Variants in ITSN2 observed in about 807,000 individuals in gnomAD.
ITSN2 encodes the protein intersectin 2.
In ITSN2, 156 loss-of-function variants were observed where a neutral mutation model predicts 243.7. The ratio of observed to expected loss-of-function variants is 0.64; its 90% CI spans 0.56 to 0.73. ITSN2 has a LOEUF of 0.73. Ranked by LOEUF, ITSN2 falls within the 30% of genes least tolerant of loss-of-function variation. The pLI, the probability that ITSN2 is intolerant of heterozygous loss-of-function variation, is 0.00. For missense variants in ITSN2, 1,801 were observed against 1,996.1 expected, an observed-to-expected ratio of 0.90 and a Z score of 1.86; for synonymous variants, 703 against 699.9, an observed-to-expected ratio of 1.00 and a Z score of -0.07.
At chr2:24,245,453 G>C (rs568737969) in intron 29 of ITSN2, among the ~76,000 whole-genome samples, 2 of 152,042 alleles carry the variant, frequency 1.3e-5, no homozygotes, top group Non-Finnish European at 2.9e-5. Context: ...ATTTTGAATA[G>C]GTGAATAGGG....
intron 1 of ITSN2, among the ~76,000 whole-genome samples, chr2:24,344,546 C>G (rs1297028766): frequency 6.6e-6 from 1 of 152,150 alleles, no homozygotes; most frequent in Non-Finnish European, 1.5e-5. Flanking sequence ...TATATTTCTC[C>G]TATGAATTGC....
chr2:24,268,299 G>A (rs188617661), intron 20 of ITSN2, among the ~76,000 whole-genome samples: 6 of 152,222 alleles, frequency 3.9e-5, no homozygotes, highest in Admixed American at 3.3e-4. Context: ...CCGGGAATTT[G>A]GAAGTCCTGG....
chr2:24,254,494 G>T, intron 23 of ITSN2, 63 bp from the exon 24 acceptor site: 2 of 1,326,078 alleles, frequency 1.5e-6, no homozygotes, highest in South Asian at 1.2e-5. Context: ...TAAGAAAGGT[G>T]ATTTGATGCA....
At chr2:24,341,377 T>C (rs1687030881) in intron 1 of ITSN2, among the ~76,000 whole-genome samples, 1 of 151,944 alleles carries the variant, frequency 6.6e-6, no homozygotes, top group Admixed American at 6.5e-5. Context: ...AAATCATGTA[T>C]AAGAAAAAAG....
At position 24,209,206 on chromosome 2, in the gene ITSN2, C is replaced by T; in HGVS notation, c.4489G>A (p.Glu1497Lys). Residue 1497 changes from glutamate (E) to lysine (K), a missense_variant, in exon 36 of 40, where the codon GAA becomes AAA. Coordinates refer to ENST00000355123, the MANE Select transcript of ITSN2 (RefSeq NM_006277.3). ...TCTGTGGGCAGTTTCACCAAGACTT[C>T]ATTCAGGAAAATGGGCTGAAAGAAT... The part of the protein sequence containing the change: ...KMYKTPIFLN[E>K]VLVKLPTDPS... 6.2e-7 allele frequency: 1 copy of T among 1,614,090 alleles called. No homozygotes were observed. The highest frequency in any genetic ancestry group is 1.1e-5 in the South Asian group (1 of 91,074).
chr2:24,210,802 A>G lies in ITSN2; in HGVS notation c.4235T>C (p.Val1412Ala). Residue 1412 changes from valine (V) to alanine (A), a missense_variant, in exon 34 of 40, where the codon GTG becomes GCG. Physicochemically the swap from Val to Ala is moderately conservative, Grantham distance 64 (BLOSUM62 0). This residue lies in a region of ITSN2 where 928 missense variants were observed against 1,065.4 expected (regional missense o/e 0.87). Transcript: ENST00000355123. ...SDRLEWIQAH[V>A]QCEGLAEQLI... ...GACCTCCGCGAGGCCTTCACACTGCACGTGCGCCTGGATCCACTCCAGTCG... is the reference window on the plus strand; with the variant it reads ...GACCTCCGCGAGGCCTTCACACTGCGCGTGCGCCTGGATCCACTCCAGTCG... 6.2e-7 allele frequency: 1 copy of G among 1,613,980 alleles called. No individual in the cohort carries two copies. Among genetic ancestry groups the G allele is most frequent in the Non-Finnish European group, 8.5e-7 (1 of 1,179,962 alleles).
At chr2:24,301,492 C>T (rs1347543483) in intron 10 of ITSN2, among the ~76,000 whole-genome samples, 1 of 151,842 alleles carries the variant, frequency 6.6e-6, no homozygotes, top group African/African-American at 2.4e-5. Flanking sequence ...TCATTAGCCT[C>T]CTTATGTATA....
chr2:24,255,707 A>G (rs1674932999), intron 23 of ITSN2, among the ~76,000 whole-genome samples: 1 of 152,022 alleles, frequency 6.6e-6, no homozygotes, highest in African/African-American at 2.4e-5. Flanking sequence ...CAGGCAGATC[A>G]CCTGAGGTCA....
At chr2:24,327,080 A>G (rs1487507352) in intron 2 of ITSN2, among the ~76,000 whole-genome samples, 1 of 152,114 alleles carries the variant, frequency 6.6e-6, no homozygotes, top group East Asian at 1.9e-4. Context: ...ATTAGCTAAT[A>G]CAATTTAACA....
At chr2:24,266,683 C>A (rs1464082911) in intron 20 of ITSN2, among the ~76,000 whole-genome samples, 1 of 150,498 alleles carries the variant, frequency 6.6e-6, no homozygotes, top group Non-Finnish European at 1.5e-5. Context: ...AATCACAGCA[C>A]TTTGGGAAGC....
intron 16 of ITSN2, among the ~76,000 whole-genome samples, chr2:24,285,332 T>C (rs1175290311): frequency 6.6e-6 from 1 of 152,206 alleles, no homozygotes; most frequent in Non-Finnish European, 1.5e-5. Flanking sequence ...ATTAACATTG[T>C]TCACCTCAAA....
intron 17 of ITSN2, among the ~76,000 whole-genome samples, chr2:24,280,880 C>A (rs1252281074): frequency 6.6e-6 from 1 of 152,238 alleles, no homozygotes; most frequent in East Asian, 1.9e-4. Context: ...ACCTTTTTAA[C>A]TCTACTTAAT....
intron 20 of ITSN2, among the ~76,000 whole-genome samples, chr2:24,265,599 T>C (rs1676568911): frequency 6.6e-6 from 1 of 152,224 alleles, no homozygotes; most frequent in Admixed American, 6.5e-5. Context: ...TAAGCCACTT[T>C]AGACCCATTA....
intron 36 of ITSN2, 102 bp from the exon 37 acceptor site, chr2:24,208,421 A>G (rs764273882): frequency 8.8e-5 from 74 of 839,768 alleles, no homozygotes; most frequent in Non-Finnish European, 1.3e-4. Context: ...TGCTAACCTC[A>G]ACTTTCACAA....
At chr2:24,360,024 C>T (rs1245842699) in intron 1 of ITSN2, among the ~76,000 whole-genome samples, 4 of 152,082 alleles carry the variant, frequency 2.6e-5, no homozygotes, top group Non-Finnish European at 4.4e-5. Flanking sequence ...CGGCCAGGGA[C>T]CCGGGCTCGG....
At chr2:24,303,386 A>T (rs1194567512) in intron 9 of ITSN2, among the ~76,000 whole-genome samples, 1 of 152,232 alleles carries the variant, frequency 6.6e-6, no homozygotes, top group Non-Finnish European at 1.5e-5. Context: ...GTTTTTACCG[A>T]AAGTTTAAAT....
chr2:24,267,480 C>A (rs1310605817), intron 20 of ITSN2, among the ~76,000 whole-genome samples: 1 of 151,934 alleles, frequency 6.6e-6, no homozygotes, highest in Non-Finnish European at 1.5e-5. Context: ...TACATACACA[C>A]ACACACATTT....
chr2:24,286,561 C>G (rs1474720906), intron 15 of ITSN2, among the ~76,000 whole-genome samples: 1 of 152,164 alleles, frequency 6.6e-6, no homozygotes, highest in Non-Finnish European at 1.5e-5. Context: ...GGTTGTAAGC[C>G]TTGGTTCTGC....
Position 24,246,778 on chromosome 2 carries a change from A to G in ITSN2, c.3385+19T>C. On this transcript the variant is annotated intron_variant, in intron 28 of 39. Coordinates refer to ENST00000355123, the MANE Select transcript of ITSN2 (RefSeq NM_006277.3). ...ACAAACTCCTCTAAAATGAAATACA[A>G]ATTAACCCACTTCCATACCAGGATG... is the stretch of plus-strand genomic sequence containing the variant. The G allele has an allele frequency of 2.1e-6, 3 of 1,456,038 alleles. No individual in the cohort carries two copies. The highest frequency in any genetic ancestry group is 2.9e-6 in the Non-Finnish European group (3 of 1,047,342). The allele number at this position is 1,456,038 out of a possible 1,614,324, so 90.2% of individuals were successfully genotyped here.
Sources: gnomAD v4.1 joint callset for allele counts (sites outside exome capture counted in the v4.1 genomes callset) on GRCh38, gnomAD v4.1.1 for gene constraint, gnomAD v4.1.1 regional missense constraint, MANE v1.5 for transcripts, NCBI Gene and HGNC (gene_info 2026-07-23, HGNC 2026-07-21) for gene names.